The following UNC13C variants were observed in gnomAD, a reference collection of about 807,000 sequenced individuals.
The protein encoded by UNC13C is protein unc-13 homolog C.
A neutral mutation model predicts 245.4 loss-of-function variants in UNC13C; 174 were observed. The observed-to-expected ratio is 0.71, with a 90% confidence interval of 0.63 to 0.80. The LOEUF is 0.80. Among genes scored for constraint, UNC13C ranks in the 30% least tolerant of loss-of-function variants. The pLI is 0.00. For synonymous variants in UNC13C, 992 were observed against 895.1 expected (o/e 1.11, Z -1.93); for missense variants, 2,829 against 2,602.9 (o/e 1.09, Z -1.89).
chr15:54,543,840 A>T (rs1398435378), intron 26 of UNC13C, among the ~76,000 whole-genome samples: 1 of 152,198 alleles, frequency 6.6e-6, no homozygotes. Context: ...GACCAGATAG[A>T]TTCACAGCCG....
chr15:54,251,899 G>T (rs1243777209), intron 8 of UNC13C, among the ~76,000 whole-genome samples: 1 of 152,156 alleles, frequency 6.6e-6, no homozygotes. Context: ...CTCCATACAA[G>T]ATTAGATCAG....
At position 54,523,108 on chromosome 15, in the gene UNC13C, A is replaced by C. The variant is rs191646403; in HGVS notation, c.5458-2441A>C. Among the ~76,000 whole-genome samples, 477 of 152,346 alleles carry C rather than the reference A, an allele frequency of 3.1e-3. 1 individual carries two copies. Among genetic ancestry groups the C allele is most frequent in the Middle Eastern group, 6.8e-3 (2 of 294 alleles). ...GCAATGAGCTCTCAGCTCCCAATCT[A>C]TTATTTCTTAAAATTTTACAAAATT... On this transcript the variant is annotated intron_variant, in intron 24 of 32. Coordinates refer to ENST00000260323, the MANE Select transcript of UNC13C (RefSeq NM_001080534.3).
intron 4 of UNC13C, among the ~76,000 whole-genome samples, chr15:54,180,415 C>A (rs2033758813): frequency 6.6e-6 from 1 of 152,080 alleles, no homozygotes; most frequent in Middle Eastern, 3.4e-3. Context: ...GGATGGGCAC[C>A]TAGGCTGATT....
At position 53,985,043 on chromosome 15, in the gene UNC13C, G is replaced by A. The variant is rs142862056; in HGVS notation, c.-257+6116G>A. 4.0e-3 allele frequency among the ~76,000 whole-genome samples: 613 copies of A among 151,698 alleles called. 3 individuals are homozygous for A. Among genetic ancestry groups the A allele is most frequent in the African/African-American group, 0.014 (576 of 41,332 alleles). ...GTGCAGGTTTGTTACATAGGTATAC[G>A]TGTTCATGGTGGTTTGCTGCACCTA... On this transcript the variant is annotated intron_variant, in intron 1 of 32. Coordinates refer to ENST00000260323, the MANE Select transcript of UNC13C (RefSeq NM_001080534.3).
At chr15:54,084,677 C>T (rs754857122) in intron 2 of UNC13C, among the ~76,000 whole-genome samples, 2 of 152,108 alleles carry the variant, frequency 1.3e-5, no homozygotes, top group Non-Finnish European at 2.9e-5. Flanking sequence ...AGAAAGTATA[C>T]ATAAAAACAT....
chr15:54,060,357 A>G (rs974280049), intron 2 of UNC13C, among the ~76,000 whole-genome samples: 24 of 152,342 alleles, frequency 1.6e-4, no homozygotes, highest in African/African-American at 5.8e-4. Context: ...GCCAACAGAC[A>G]CATGAAAAAA....
chr15:54,179,033 T>C (rs781285938), intron 4 of UNC13C, among the ~76,000 whole-genome samples: 2 of 152,100 alleles, frequency 1.3e-5, no homozygotes, highest in Non-Finnish European at 2.9e-5. Flanking sequence ...TCTACCAGTT[T>C]CCGAAGAGGA....
intron 2 of UNC13C, among the ~76,000 whole-genome samples, chr15:54,059,804 A>T (rs578168881): frequency 1.7e-4 from 26 of 152,182 alleles, no homozygotes; most frequent in Non-Finnish European, 3.2e-4. Flanking sequence ...GCCCTCAGAA[A>T]TAATGCCTCA....
At chr15:54,612,309 T>C (rs1232281760) in intron 30 of UNC13C, among the ~76,000 whole-genome samples, 1 of 151,894 alleles carries the variant, frequency 6.6e-6, no homozygotes. Flanking sequence ...TGTGGAAAGG[T>C]TACACATTTT....
intron 19 of UNC13C, among the ~76,000 whole-genome samples, chr15:54,463,971 A>G (rs764716010): frequency 5.3e-5 from 8 of 152,222 alleles, no homozygotes; most frequent in Middle Eastern, 3.2e-3. Flanking sequence ...GGTCATCTAC[A>G]TAGTTATTAA....
At chr15:54,211,798 G>T (rs1343898549) in intron 4 of UNC13C, among the ~76,000 whole-genome samples, 1 of 152,062 alleles carries the variant, frequency 6.6e-6, no homozygotes, top group Non-Finnish European at 1.5e-5. Context: ...CAAAGGAAAT[G>T]AGCTTGTATG....
intron 19 of UNC13C, among the ~76,000 whole-genome samples, chr15:54,494,198 G>A (rs367650784): frequency 7.9e-5 from 12 of 152,142 alleles, no homozygotes; most frequent in East Asian, 3.9e-4. Flanking sequence ...AAACCTGCAC[G>A]TTGTGCACAT....
At chr15:54,027,537 T>G (rs1896165655) in intron 2 of UNC13C, among the ~76,000 whole-genome samples, 1 of 152,136 alleles carries the variant, frequency 6.6e-6, no homozygotes, top group Non-Finnish European at 1.5e-5. Flanking sequence ...GCCTGGCTAA[T>G]TTTTGTGTTT....
intron 2 of UNC13C, among the ~76,000 whole-genome samples, chr15:54,138,299 T>C (rs538394931): frequency 2.0e-5 from 3 of 152,102 alleles, no homozygotes; most frequent in African/African-American, 7.2e-5. Context: ...TTTAAAATAT[T>C]TTCAACAATA....
At chr15:54,429,222 C>T (rs913343775) in intron 19 of UNC13C, among the ~76,000 whole-genome samples, 1 of 151,666 alleles carries the variant, frequency 6.6e-6, no homozygotes. Context: ...AATGGGTAAA[C>T]TTTATGATAT....
rs113505555 is a variant in UNC13C, at chr15:54,071,098, C to T, written c.2983+55212C>T. On this transcript the variant is annotated intron_variant, in intron 2 of 32. Coordinates refer to ENST00000260323, the MANE Select transcript of UNC13C (RefSeq NM_001080534.3). ...AGCATCTGATAATTAATATTTTTAA[C>T]GTGAAATGTATGAATGTTCACCCCA... Among the ~76,000 whole-genome samples, 44 of 152,122 alleles carry T rather than the reference C, an allele frequency of 2.9e-4. No individual in the cohort carries two copies. In the East Asian group the frequency reaches 3.3e-3, roughly 11 times the overall value.
rs754355545 is a variant in UNC13C at position 54,013,439 on chromosome 15, G to A, written c.536G>A (p.Gly179Glu). The A allele has an allele frequency of 6.2e-7, 1 of 1,613,800 alleles. No individual in the cohort carries two copies. The highest frequency in any genetic ancestry group is 1.7e-5 in the Admixed American group (1 of 59,988). The change falls in exon 2 of 33, where the codon GGA becomes GAA. Residue 179 changes from glycine (G) to glutamate (E), a missense_variant. By Grantham distance (98) the Gly-to-Glu change is moderately conservative (BLOSUM62 -2). Transcript: ENST00000260323. ...CGTACTCTACATGGCTTAAAACTGGGAGCTTTACGAAAACTGAGAAAATGG... is the reference window on the plus strand; with the variant it reads ...CGTACTCTACATGGCTTAAAACTGGAAGCTTTACGAAAACTGAGAAAATGG... ...GERTLHGLKL[G>E]ALRKLRKWKK...
chr15:54,597,113 C>T (rs1899131843), intron 30 of UNC13C, among the ~76,000 whole-genome samples: 1 of 152,176 alleles, frequency 6.6e-6, no homozygotes, highest in Admixed American at 6.5e-5. Flanking sequence ...AGATCCCTCA[C>T]ATGCGCAATT....
At chr15:53,841,543 A>AT in the UNC13C span, among the ~76,000 whole-genome samples, 75 of 152,288 alleles carry the variant, frequency 4.9e-4, no homozygotes, top group African/African-American at 1.7e-3. Context: ...AAAATAAGAT[A>AT]TTTTTGTTGA....
Sources: allele counts gnomAD v4.1 joint callset (sites outside exome capture counted in the v4.1 genomes callset), GRCh38; gene constraint gnomAD v4.1.1; transcripts MANE v1.5; gene names NCBI Gene and HGNC (gene_info 2026-07-23, HGNC 2026-07-21).